SVIL: variants seen among roughly 807,000 people sequenced by gnomAD.
The protein encoded by SVIL is supervillin.
In SVIL, 101 loss-of-function variants were observed where a neutral mutation model predicts 240.4. The ratio of observed to expected loss-of-function variants is 0.42; its 90% CI spans 0.36 to 0.50. The LOEUF (loss-of-function observed/expected upper bound fraction) is 0.50, where lower values mean the gene tolerates loss of function less well. SVIL is among the 20% of genes least tolerant of loss of function. The pLI, the probability that SVIL is intolerant of heterozygous loss-of-function variation, is 0.01. For missense variants in SVIL, 2,512 were observed against 2,818.7 expected, an observed-to-expected ratio of 0.89 and a Z score of 2.46; for synonymous variants, 999 against 1,100.0, an observed-to-expected ratio of 0.91 and a Z score of 1.82.
At chr10:29,504,040 T>C (rs1246667329) in intron 17 of SVIL, among the ~76,000 whole-genome samples, 1 of 152,180 alleles carries the variant, frequency 6.6e-6, no homozygotes, top group Non-Finnish European at 1.5e-5. Flanking sequence ...AATAGATTCA[T>C]ATAAATTTAG....
chr10:29,622,691 TC>T (rs1197120542), intron 1 of SVIL, among the ~76,000 whole-genome samples: 1 of 152,058 alleles, frequency 6.6e-6, no homozygotes, highest in Non-Finnish European at 1.5e-5. Flanking sequence ...AGCTAATGTC[TC>T]CCAGAACAAC....
chr10:29,624,166 CAA>C (rs58064632), intron 1 of SVIL, among the ~76,000 whole-genome samples: 1 of 136,194 alleles, frequency 7.3e-6, no homozygotes, highest in Non-Finnish European at 1.6e-5. Flanking sequence ...AATGAGCTTT[CAA>C]AAAAAAAAAA....
Position 29,728,867 on chromosome 10 carries a change from T to C in SVIL, c.-400+6884A>G, listed in dbSNP as rs540569739. ...ATTAAACACCAATGACAGATGGAGA[T>C]AAGGACGTCCAAGGCAAATGTGTCC... On this transcript the variant is annotated intron_variant, in intron 1 of 35. Coordinates refer to the SVIL transcript ENST00000375400. 2.6e-5 allele frequency among the ~76,000 whole-genome samples: 4 copies of C among 151,216 alleles called. No homozygotes were observed. In the South Asian group the frequency reaches 8.4e-4, roughly 32 times the overall value.
At chr10:29,669,334 G>C (rs1564749100) in intron 2 of SVIL, among the ~76,000 whole-genome samples, 1 of 152,186 alleles carries the variant, frequency 6.6e-6, no homozygotes, top group Non-Finnish European at 1.5e-5. Flanking sequence ...AAAGTGGCCA[G>C]TTTGGCTGGC....
chr10:29,628,406 T>A (rs1400591575), intron 1 of SVIL, among the ~76,000 whole-genome samples: 2 of 152,200 alleles, frequency 1.3e-5, no homozygotes, highest in Non-Finnish European at 2.9e-5. Flanking sequence ...TTGAAATATT[T>A]AAAGTATGTG....
chr10:29,653,967 C>T (rs539089299), intron 3 of SVIL, among the ~76,000 whole-genome samples: 14 of 152,076 alleles, frequency 9.2e-5, no homozygotes, highest in Middle Eastern at 3.4e-3. Context: ...TTTTGTAATA[C>T]GTTTTGAAGC....
intron 6 of SVIL, among the ~76,000 whole-genome samples, chr10:29,549,941 G>T (rs1381189935): frequency 7.4e-6 from 1 of 135,992 alleles, no homozygotes; most frequent in African/African-American, 2.8e-5. Flanking sequence ...GTTAGTGGGT[G>T]CAACGCACCA....
chr10:29,646,424 A>G (rs1460060821), intron 3 of SVIL, among the ~76,000 whole-genome samples: 1 of 152,204 alleles, frequency 6.6e-6, no homozygotes, highest in Non-Finnish European at 1.5e-5. Flanking sequence ...TCCGCTGCCC[A>G]GGGACCATGT....
At position 29,499,161 on chromosome 10, in the gene SVIL, T is replaced by C. The variant is rs142647253; in HGVS notation, c.3619A>G (p.Asn1207Asp). The change falls in exon 18 of 38, where the codon AAC becomes GAC. Residue 1207 changes from asparagine to aspartate, a missense_variant. Transcript: ENST00000355867. ...AWKTRGRGAA[N>D]DSTQFTVAGR... ...GCCACAGTGAACTGGGTCGAGTCGT[T>C]GGCCGCTCCTCTGCCTCTCGTCTTC... is the stretch of plus-strand genomic sequence containing the variant. The C allele has an allele frequency of 2.2e-5, 35 of 1,613,966 alleles. No homozygotes were observed. Among genetic ancestry groups the C allele is most frequent in the African/African-American group, 8.0e-5 (6 of 74,892 alleles).
At chr10:29,578,478 CT>C (rs1689477239) in intron 1 of SVIL, among the ~76,000 whole-genome samples, 1 of 152,182 alleles carries the variant, frequency 6.6e-6, no homozygotes, top group African/African-American at 2.4e-5. Flanking sequence ...AGGAGTTGGT[CT>C]AGATGGTCAC....
At chr10:29,464,874 G>T (rs1209834086) in intron 34 of SVIL, among the ~76,000 whole-genome samples, 1 of 140,820 alleles carries the variant, frequency 7.1e-6, no homozygotes, top group Non-Finnish European at 1.6e-5. Context: ...GGTGGGAGGG[G>T]TTGTCAAGCC....
chr10:29,512,758 C>CT lies in SVIL; in HGVS notation c.3492dup (p.Ala1165SerfsTer21), dbSNP rs1423870115. On this transcript the variant is annotated frameshift_variant, in exon 17 of 38. Transcript: ENST00000355867. LOFTEE classifies it high-confidence loss of function. ...ACCTTCTTGATGAGGGACCGCCCTG[C>CT]TTCCTGGGTGTGCAGGCTGCTGGCC... is the stretch of plus-strand genomic sequence containing the variant. 6.2e-7 allele frequency: 1 copy of CT among 1,613,946 alleles called. No individual in the cohort carries two copies. Among genetic ancestry groups the CT allele is most frequent in the Non-Finnish European group, 8.5e-7 (1 of 1,180,052 alleles).
intron 1 of SVIL, among the ~76,000 whole-genome samples, chr10:29,588,216 G>C (rs1956246188): frequency 6.6e-6 from 1 of 151,680 alleles, no homozygotes; most frequent in African/African-American, 2.4e-5. Context: ...TTAGGAAGGG[G>C]TCAAGGAGCA....
chr10:29,727,939 C>A (rs2132711113), intron 1 of SVIL, among the ~76,000 whole-genome samples: 1 of 152,220 alleles, frequency 6.6e-6, no homozygotes, highest in African/African-American at 2.4e-5. Context: ...TATTACCAAC[C>A]CTGAGTAAAC....
At chr10:29,546,459 T>C (rs1010714358) in intron 6 of SVIL, among the ~76,000 whole-genome samples, 35 of 152,322 alleles carry the variant, frequency 2.3e-4, no homozygotes, top group African/African-American at 7.7e-4. Flanking sequence ...AACTAATCAA[T>C]TAACTATTTT....
chr10:29,547,086 C>T (rs1314409136), intron 6 of SVIL, among the ~76,000 whole-genome samples: 1 of 152,014 alleles, frequency 6.6e-6, no homozygotes, highest in Admixed American at 6.5e-5. Flanking sequence ...TTTTGGGTTA[C>T]CACATATTTT....
chr10:29,518,582 G>A (rs1441023745), intron 16 of SVIL, among the ~76,000 whole-genome samples: 4 of 152,002 alleles, frequency 2.6e-5, no homozygotes, highest in Non-Finnish European at 5.9e-5. Context: ...AAAGCCGGGC[G>A]CAGTGGCTCA....
chr10:29,640,947 T>C (rs2132979952), intron 3 of SVIL, among the ~76,000 whole-genome samples: 1 of 152,342 alleles, frequency 6.6e-6, no homozygotes, highest in Middle Eastern at 3.4e-3. Flanking sequence ...TTCTCAAGCA[T>C]AGGCCTGGCA....
intron 3 of SVIL, among the ~76,000 whole-genome samples, chr10:29,561,872 T>C (rs1263500432): frequency 1.3e-5 from 2 of 152,224 alleles, no homozygotes; most frequent in Non-Finnish European, 2.9e-5. Flanking sequence ...TAAACCTGTA[T>C]TCCGGCTGAC....
Sources: allele counts gnomAD v4.1 joint callset (sites outside exome capture counted in the v4.1 genomes callset), GRCh38; gene constraint gnomAD v4.1.1; transcripts MANE v1.5; gene names NCBI Gene and HGNC (gene_info 2026-07-23, HGNC 2026-07-21).